The following CLRN1 variants were observed in gnomAD, a reference collection of about 807,000 sequenced individuals.
CLRN1 encodes clarin 1.
Under a neutral mutation model 18.7 loss-of-function variants are expected in CLRN1, and 15 were observed. The ratio of observed to expected loss-of-function variants is 0.80; its 90% CI spans 0.54 to 1.23. The LOEUF is 1.23. Ranked by LOEUF, CLRN1 falls within the 50% of genes most tolerant of loss-of-function variation. The pLI, the probability that CLRN1 is intolerant of heterozygous loss-of-function variation, is 0.00. For missense variants in CLRN1, 311 were observed against 277.5 expected (o/e 1.12, Z -0.86); for synonymous variants, 104 against 102.9 (o/e 1.01, Z -0.07).
chr3:150,941,461 T>C (rs1281329177), intron 2 of CLRN1, 121 bp downstream of exon 2: 4 of 1,009,888 alleles, frequency 4.0e-6, no homozygotes, highest in Non-Finnish European at 6.1e-6. Context: ...TGTTATTATG[T>C]ATAATACTAC....
downstream of CLRN1, chr3:150,926,478 CA>C (rs11366223): frequency 0.15 from 44,003 of 287,350 alleles, 1,520 homozygotes; most frequent in African/African-American, 0.28. Context: ...AGCCTGTTAC[CA>C]AAAAAAAAAA....
chr3:150,931,861 C>A (rs1220980459), intron 2 of CLRN1, among the ~76,000 whole-genome samples: 1 of 152,142 alleles, frequency 6.6e-6, no homozygotes, highest in Non-Finnish European at 1.5e-5. Flanking sequence ...CAACACTGCT[C>A]CTGCTCCCAA....
chr3:150,958,799 C>T (rs1179865116), intron 1 of CLRN1, among the ~76,000 whole-genome samples: 1 of 152,194 alleles, frequency 6.6e-6, no homozygotes, highest in African/African-American at 2.4e-5. Context: ...AGGATTTGCT[C>T]ATCTTGACCT....
In CLRN1 at chr3:150,927,215, G is replaced by C; in HGVS notation, c.*721C>G. 2.0e-6 allele frequency: 1 copy of C among 509,632 alleles called. No homozygotes were observed. The highest frequency in any genetic ancestry group is 3.8e-6 in the Non-Finnish European group (1 of 263,990). 31.6% of individuals were successfully genotyped at this position (509,632 alleles called of 1,614,324 possible). On this transcript the variant is annotated 3_prime_UTR_variant, in exon 3 of 3. Transcript: ENST00000327047. ...GGTTTTTTCTTCTTTTCTTCTTTTAGAGTTTGCAGATTTTGACCAACAGAC... is the reference window on the plus strand; with the variant it reads ...GGTTTTTTCTTCTTTTCTTCTTTTACAGTTTGCAGATTTTGACCAACAGAC...
At chr3:150,971,150 C>T (rs1026385703) in intron 1 of CLRN1, among the ~76,000 whole-genome samples, 7 of 152,120 alleles carry the variant, frequency 4.6e-5, no homozygotes, top group African/African-American at 7.2e-5. Flanking sequence ...TTTTCCTTTT[C>T]GGTTTTTTAA....
At chr3:150,944,074 T>A in intron 1 of CLRN1, 1 of 674,878 alleles carries the variant, frequency 1.5e-6, no homozygotes, top group South Asian at 1.8e-5. Context: ...GAGTGATCTC[T>A]GAGTGGATGG....
chr3:150,959,757 T>C (rs1349900879), intron 1 of CLRN1, among the ~76,000 whole-genome samples: 1 of 152,216 alleles, frequency 6.6e-6, no homozygotes, highest in African/African-American at 2.4e-5. Flanking sequence ...TCTAAATGTA[T>C]GGCTTTCATT....
At chr3:150,952,579 T>C (rs1384057737) in intron 1 of CLRN1, among the ~76,000 whole-genome samples, 1 of 152,222 alleles carries the variant, frequency 6.6e-6, no homozygotes, top group East Asian at 1.9e-4. Context: ...ACCTGCCTTC[T>C]GGAGCCTCCC....
At chr3:150,961,333 A>AC (rs1448604347) in intron 1 of CLRN1, among the ~76,000 whole-genome samples, 2 of 152,126 alleles carry the variant, frequency 1.3e-5, no homozygotes, top group Non-Finnish European at 2.9e-5. Flanking sequence ...CTCAGGTCCC[A>AC]CCCCCAGAGA....
chr3:150,971,073 A>G (rs945291240), intron 1 of CLRN1, among the ~76,000 whole-genome samples: 5 of 152,222 alleles, frequency 3.3e-5, no homozygotes, highest in African/African-American at 1.2e-4. Flanking sequence ...GTCTAAATTC[A>G]TCTGTGAGAA....
Position 150,972,508 on chromosome 3 carries a change from G to A in CLRN1, c.201C>T (p.His67=). The change falls in exon 1 of 3, where the codon CAC becomes CAT. Residue 67 remains histidine (H), a synonymous_variant. Transcript: ENST00000327047. The stretch of plus-strand genomic sequence containing the variant: ...ACCCACACTGCCTCACACCCTCTCC[G>A]TGGAAAAGCCCGTACTGCATTTCAC... ...FMGEMQYGLF[H]GEGVRQCGLG... is the part of the protein sequence containing the mutation. The A allele has an allele frequency of 1.9e-6, 3 of 1,614,154 alleles. No individual in the cohort carries two copies. Among genetic ancestry groups the A allele is most frequent in the Non-Finnish European group, 2.5e-6 (3 of 1,180,044 alleles).
intron 2 of CLRN1, among the ~76,000 whole-genome samples, chr3:150,936,885 T>C (rs1426602882): frequency 1.3e-5 from 2 of 152,106 alleles, no homozygotes; most frequent in African/African-American, 4.8e-5. Flanking sequence ...TCAGTGTGCT[T>C]TCTCTTCTAC....
intron 2 of CLRN1, among the ~76,000 whole-genome samples, chr3:150,932,306 C>A (rs1228290851): frequency 6.6e-6 from 1 of 152,142 alleles, no homozygotes; most frequent in Non-Finnish European, 1.5e-5. Context: ...CCCTGAATGA[C>A]TCTGAGGGCA....
chr3:150,929,380 G>A (rs1576624257), intron 2 of CLRN1, among the ~76,000 whole-genome samples: 1 of 152,198 alleles, frequency 6.6e-6, no homozygotes, highest in East Asian at 1.9e-4. Flanking sequence ...AGGATGGCCA[G>A]GACTCTACAG....
chr3:150,953,169 T>A (rs904209900), intron 1 of CLRN1, among the ~76,000 whole-genome samples: 1 of 152,228 alleles, frequency 6.6e-6, no homozygotes, highest in Non-Finnish European at 1.5e-5. Context: ...GAAAAAGGAT[T>A]TGAACATTTT....
chr3:150,946,897 CT>C (rs1208832449), intron 1 of CLRN1, among the ~76,000 whole-genome samples: 1 of 114,018 alleles, frequency 8.8e-6, no homozygotes, highest in Non-Finnish European at 1.7e-5. Flanking sequence ...TCCCTCCCCC[CT>C]CCCCCCACCC....
downstream of CLRN1, chr3:150,926,223 CT>C (rs1296952332): frequency 1.3e-5 from 2 of 156,572 alleles, no homozygotes; most frequent in African/African-American, 4.8e-5. Flanking sequence ...GGTTTTCTTT[CT>C]CTTTCTACGG....
chr3:150,933,809 G>T (rs137881684), intron 2 of CLRN1, among the ~76,000 whole-genome samples: 10 of 152,310 alleles, frequency 6.6e-5, no homozygotes, highest in Non-Finnish European at 1.5e-4. Context: ...GAATGACCTG[G>T]AATGTGATTC....
At chr3:150,966,536 C>T (rs750814628) in intron 1 of CLRN1, among the ~76,000 whole-genome samples, 9 of 152,154 alleles carry the variant, frequency 5.9e-5, no homozygotes, top group Non-Finnish European at 8.8e-5. Context: ...CTCAATAATA[C>T]GATCTCATTT....
Sources: gnomAD v4.1 joint callset for allele counts (sites outside exome capture counted in the v4.1 genomes callset) on GRCh38, gnomAD v4.1.1 for gene constraint, MANE v1.5 for transcripts, NCBI Gene and HGNC (gene_info 2026-07-23, HGNC 2026-07-21) for gene names.